Variants in TAS2R1 observed in about 807,000 individuals in gnomAD.
TAS2R1 encodes taste 2 receptor member 1.
For missense variants in TAS2R1, 370 were observed against 353.4 expected, an observed-to-expected ratio of 1.05 and a Z score of -0.38; for synonymous variants, 141 against 134.2, an observed-to-expected ratio of 1.05 and a Z score of -0.35.
chr5:9,758,848 A>G, the TAS2R1 span, among the ~76,000 whole-genome samples: 1 of 152,180 alleles, frequency 6.6e-6, no homozygotes, highest in African/African-American at 2.4e-5. Context: ...CTTCTAAACT[A>G]ATATAGAATA....
chr5:9,835,158 G>A, the TAS2R1 span, among the ~76,000 whole-genome samples: 1 of 152,164 alleles, frequency 6.6e-6, no homozygotes, highest in South Asian at 2.1e-4. Context: ...GTTCCTAGGG[G>A]CCAGCACATG....
chr5:9,707,730 G>C (rs749415396), intron 1 of TAS2R1, among the ~76,000 whole-genome samples: 3 of 152,048 alleles, frequency 2.0e-5, no homozygotes, highest in Middle Eastern at 3.4e-3. Context: ...TGCAGCTCTC[G>C]GTGCAAGCCC....
the TAS2R1 span, among the ~76,000 whole-genome samples, chr5:9,770,084 AT>A: frequency 6.6e-6 from 1 of 151,992 alleles, no homozygotes; most frequent in South Asian, 2.1e-4. Context: ...TTTTAGTTTG[AT>A]TTTTTATATG....
the TAS2R1 span, among the ~76,000 whole-genome samples, chr5:9,822,443 G>A: frequency 9.4e-5 from 14 of 148,462 alleles, no homozygotes; most frequent in Non-Finnish European, 1.3e-4. Context: ...TCCACCTCCC[G>A]GATTCAAGCA....
At chr5:9,668,077 A>T (rs971014507) in intron 1 of TAS2R1, among the ~76,000 whole-genome samples, 4 of 152,184 alleles carry the variant, frequency 2.6e-5, no homozygotes, top group Non-Finnish European at 5.9e-5. Flanking sequence ...GAAAGAACCA[A>T]ACTGATCTGA....
At chr5:9,638,213 C>A (rs1274379620) in intron 2 of TAS2R1, among the ~76,000 whole-genome samples, 1 of 151,966 alleles carries the variant, frequency 6.6e-6, no homozygotes, top group Non-Finnish European at 1.5e-5. Context: ...GTTTAGCCAC[C>A]CAGCAAGGCT....
intron 2 of TAS2R1, among the ~76,000 whole-genome samples, chr5:9,655,144 T>G (rs538335173): frequency 2.0e-5 from 3 of 152,288 alleles, no homozygotes; most frequent in African/African-American, 4.8e-5. Flanking sequence ...TCCTGAGGCC[T>G]GCAGGGTTTA....
the TAS2R1 span, among the ~76,000 whole-genome samples, chr5:9,899,265 C>T: frequency 6.6e-6 from 1 of 152,140 alleles, no homozygotes; most frequent in African/African-American, 2.4e-5. Flanking sequence ...TCCACTCTCT[C>T]TTATACAGCC....
intron 1 of TAS2R1, among the ~76,000 whole-genome samples, chr5:9,669,637 T>C (rs1294974497): frequency 1.3e-5 from 2 of 152,132 alleles, no homozygotes; most frequent in Admixed American, 6.6e-5. Flanking sequence ...ACATGGAAAT[T>C]AAACAACCTG....
chr5:9,628,510 G>A lies in TAS2R1; in HGVS notation c.*623C>T, dbSNP rs1251988369. ...CACCATGGCATCTAGGCTCTCTGCA[G>A]GATGAAGTAGGAGAATATGCTTATA... is the stretch of plus-strand genomic sequence containing the variant. On this transcript the variant is annotated 3_prime_UTR_variant, in exon 1 of 1. Coordinates refer to ENST00000382492, the MANE Select transcript of TAS2R1 (RefSeq NM_019599.3). Among the ~76,000 whole-genome samples, 1 of 152,188 alleles carries A rather than the reference G, an allele frequency of 6.6e-6. No individual in the cohort carries two copies. The highest frequency in any genetic ancestry group is 6.5e-5 in the Admixed American group (1 of 15,278).
At chr5:9,693,429 G>T (rs544832241) in intron 1 of TAS2R1, among the ~76,000 whole-genome samples, 1 of 149,598 alleles carries the variant, frequency 6.7e-6, no homozygotes, top group African/African-American at 2.5e-5. Flanking sequence ...GAAGCTGAGG[G>T]AGGAGAATCG....
At chr5:9,663,043 A>G (rs1396078748) in intron 1 of TAS2R1, among the ~76,000 whole-genome samples, 3 of 152,132 alleles carry the variant, frequency 2.0e-5, no homozygotes, top group Non-Finnish European at 4.4e-5. Flanking sequence ...CATCCACTTA[A>G]ATGTGATCAT....
At chr5:9,831,049 G>A in the TAS2R1 span, among the ~76,000 whole-genome samples, 1 of 152,276 alleles carries the variant, frequency 6.6e-6, no homozygotes, top group Admixed American at 6.5e-5. Flanking sequence ...TAAGATGTCA[G>A]CAAATCAGTG....
the TAS2R1 span, among the ~76,000 whole-genome samples, chr5:9,745,194 G>A: frequency 6.6e-6 from 1 of 152,168 alleles, no homozygotes; most frequent in Non-Finnish European, 1.5e-5. Flanking sequence ...TCTAGGAAAG[G>A]TTAGGAGGTA....
At chr5:9,679,573 A>AT (rs1464331175) in intron 1 of TAS2R1, among the ~76,000 whole-genome samples, 1 of 152,216 alleles carries the variant, frequency 6.6e-6, no homozygotes, top group Non-Finnish European at 1.5e-5. Flanking sequence ...TCCCAAAAAT[A>AT]AGGGCTACCA....
the TAS2R1 span, among the ~76,000 whole-genome samples, chr5:9,827,365 T>C: frequency 6.6e-6 from 1 of 152,160 alleles, no homozygotes; most frequent in Non-Finnish European, 1.5e-5. Flanking sequence ...TTGTCTCTAG[T>C]CTATTCCAAC....
At chr5:9,831,679 A>AT in the TAS2R1 span, among the ~76,000 whole-genome samples, 60 of 151,526 alleles carry the variant, frequency 4.0e-4, no homozygotes, top group African/African-American at 1.4e-3. Flanking sequence ...TATTATACTC[A>AT]TTTTTTTAGA....
chr5:9,829,143 G>C, the TAS2R1 span, among the ~76,000 whole-genome samples: 16,483 of 152,264 alleles, frequency 0.11, 967 homozygotes, highest in Non-Finnish European at 0.13. Flanking sequence ...TGAATGCAAG[G>C]CTATCTACTG....
intron 1 of TAS2R1, among the ~76,000 whole-genome samples, chr5:9,681,811 T>C (rs1741001167): frequency 6.6e-6 from 1 of 152,134 alleles, no homozygotes; most frequent in Admixed American, 6.6e-5. Context: ...AGGGAGCTTG[T>C]TAGAAATGCC....
Sources: allele counts gnomAD v4.1 joint callset (sites outside exome capture counted in the v4.1 genomes callset), GRCh38; gene constraint gnomAD v4.1.1; transcripts MANE v1.5; gene names NCBI Gene and HGNC (gene_info 2026-07-23, HGNC 2026-07-21).